The following LRRTM4 variants were observed in gnomAD, a reference collection of about 807,000 sequenced individuals.
LRRTM4 encodes the protein leucine-rich repeat transmembrane neuronal protein 4.
In LRRTM4, 25 loss-of-function variants were observed where a neutral mutation model predicts 47.6. The ratio of observed to expected loss-of-function variants is 0.53; its 90% CI spans 0.38 to 0.73. LRRTM4 has a LOEUF of 0.73. Among genes scored for constraint, LRRTM4 ranks in the 30% least tolerant of loss-of-function variants. The probability of loss-of-function intolerance (pLI) is 0.00; values close to 1 mark genes in which losing one functional copy is unlikely to be tolerated. For missense variants in LRRTM4, 638 were observed against 713.4 expected (o/e 0.89, Z 1.20); for synonymous variants, 311 against 269.5 (o/e 1.15, Z -1.51).
rs76067625 is a variant in LRRTM4 at position 76,979,307 on chromosome 2, C to A, written c.1552-230391G>T. 3.4e-3 allele frequency among the ~76,000 whole-genome samples: 521 copies of A among 151,956 alleles called. 1 individual carries two copies. The highest frequency in any genetic ancestry group is 0.01 in the African/African-American group (426 of 41,456). ...GATAATTTCACCTCACTTCTGCCTGCAGATTGTTGAAGCCTAGGAAAAGCA... is the reference window on the plus strand; with the variant it reads ...GATAATTTCACCTCACTTCTGCCTGAAGATTGTTGAAGCCTAGGAAAAGCA... On this transcript the variant is annotated intron_variant, in intron 3 of 3. Coordinates refer to ENST00000409884, the MANE Select transcript of LRRTM4 (RefSeq NM_001134745.3).
At position 76,934,595 on chromosome 2, in the gene LRRTM4, T is replaced by G. The variant is rs537724088; in HGVS notation, c.1552-185679A>C. ...ATAGCAGTTGTCAATTTGCAGTGTG[T>G]AAATATTCCCACCGTGGCCAATTTC... On this transcript the variant is annotated intron_variant, in intron 3 of 3. Coordinates refer to ENST00000409884, the MANE Select transcript of LRRTM4 (RefSeq NM_001134745.3). Among the ~76,000 whole-genome samples the G allele has an allele frequency of 2.0e-5, 3 of 152,276 alleles. No individual in the cohort carries two copies. In the East Asian group the frequency reaches 5.8e-4, roughly 29 times the overall value.
At chr2:76,781,032 G>C (rs529906817) in intron 3 of LRRTM4, among the ~76,000 whole-genome samples, 1 of 152,350 alleles carries the variant, frequency 6.6e-6, no homozygotes, top group East Asian at 1.9e-4. Flanking sequence ...TGAGGTGTCA[G>C]TGTGCCCGTG....
chr2:77,479,783 CTCTT>C (rs1197974895), intron 3 of LRRTM4, among the ~76,000 whole-genome samples: 3 of 151,914 alleles, frequency 2.0e-5, no homozygotes, highest in East Asian at 1.9e-4. Flanking sequence ...CTCCATCTCT[CTCTT>C]TCTCTTTCTC....
intron 3 of LRRTM4, among the ~76,000 whole-genome samples, chr2:76,807,438 GTATATACA>G (rs1343190526): frequency 3.1e-5 from 2 of 65,192 alleles, no homozygotes; most frequent in African/African-American, 7.5e-5. Context: ...ATATATATAC[GTATATACA>G]TATATATATA....
At chr2:77,438,393 A>ATTTTTTTTTT (rs70956631) in intron 3 of LRRTM4, among the ~76,000 whole-genome samples, 5 of 100,186 alleles carry the variant, frequency 5.0e-5, no homozygotes, top group African/African-American at 1.8e-4. Flanking sequence ...GATCATGATA[A>ATTTTTTTTTT]TTTTTTTTTT....
intron 3 of LRRTM4, among the ~76,000 whole-genome samples, chr2:77,213,088 T>G (rs1674339546): frequency 6.6e-6 from 1 of 152,166 alleles, no homozygotes; most frequent in African/African-American, 2.4e-5. Context: ...GGTGGAATAG[T>G]AATTTTCCTA....
intron 3 of LRRTM4, among the ~76,000 whole-genome samples, chr2:77,434,436 A>T (rs1055057928): frequency 1.4e-5 from 2 of 139,238 alleles, no homozygotes; most frequent in Admixed American, 1.4e-4. Context: ...AAATAATAAC[A>T]CTTGATCTGT....
intron 3 of LRRTM4, among the ~76,000 whole-genome samples, chr2:77,102,090 C>T (rs1277472723): frequency 6.6e-6 from 1 of 152,222 alleles, no homozygotes; most frequent in Non-Finnish European, 1.5e-5. Flanking sequence ...GGGCAACTGG[C>T]TCCAGCCTGC....
chr2:76,841,366 G>A (rs1399787465), intron 3 of LRRTM4, among the ~76,000 whole-genome samples: 3 of 151,776 alleles, frequency 2.0e-5, no homozygotes, highest in African/African-American at 7.3e-5. Flanking sequence ...CATGGCACAT[G>A]TATACATATG....
At chr2:77,512,938 A>G (rs1203625940) in intron 3 of LRRTM4, among the ~76,000 whole-genome samples, 1 of 152,158 alleles carries the variant, frequency 6.6e-6, no homozygotes, top group East Asian at 1.9e-4. Flanking sequence ...TCTTTCCTAA[A>G]TTAGCTATGT....
intron 3 of LRRTM4, among the ~76,000 whole-genome samples, chr2:76,964,535 G>A (rs1460054439): frequency 6.6e-6 from 1 of 150,484 alleles, no homozygotes; most frequent in Non-Finnish European, 1.5e-5. Flanking sequence ...AATTCTACAG[G>A]GGTCTGTACT....
chr2:77,414,245 G>C (rs1018131481), intron 3 of LRRTM4, among the ~76,000 whole-genome samples: 1 of 151,636 alleles, frequency 6.6e-6, no homozygotes, highest in Non-Finnish European at 1.5e-5. Flanking sequence ...GGCTTCCTAA[G>C]TAGTAGGCTC....
intron 3 of LRRTM4, among the ~76,000 whole-genome samples, chr2:76,860,832 T>C (rs1314752912): frequency 6.6e-6 from 1 of 151,996 alleles, no homozygotes; most frequent in Non-Finnish European, 1.5e-5. Context: ...AGGAAACAGA[T>C]ATTGAGTGGG....
At chr2:76,843,953 G>T (rs1055846403) in intron 3 of LRRTM4, among the ~76,000 whole-genome samples, 3 of 146,980 alleles carry the variant, frequency 2.0e-5, no homozygotes, top group Admixed American at 1.4e-4. Context: ...CCAGACTGGA[G>T]TGCAGTGGCG....
intron 3 of LRRTM4, among the ~76,000 whole-genome samples, chr2:76,786,815 C>A (rs892729619): frequency 1.3e-5 from 2 of 151,936 alleles, no homozygotes; most frequent in Non-Finnish European, 2.9e-5. Context: ...TTAAAGAATA[C>A]AGAAGGAACT....
intron 3 of LRRTM4, among the ~76,000 whole-genome samples, chr2:76,934,573 G>A (rs186603675): frequency 4.6e-5 from 7 of 152,242 alleles, no homozygotes; most frequent in Admixed American, 3.3e-4. Context: ...CTGATCTATA[G>A]CAGTTGTCAA....
chr2:77,275,333 C>G (rs2104082134), intron 3 of LRRTM4, among the ~76,000 whole-genome samples: 1 of 152,052 alleles, frequency 6.6e-6, no homozygotes, highest in South Asian at 2.1e-4. Flanking sequence ...TTCTCCCTAC[C>G]TCCAACGTAT....
At chr2:77,397,922 A>C (rs1673764394) in intron 3 of LRRTM4, among the ~76,000 whole-genome samples, 1 of 151,792 alleles carries the variant, frequency 6.6e-6, no homozygotes, top group East Asian at 1.9e-4. Context: ...GGTGAGTCAA[A>C]CTACAGATGA....
chr2:76,887,922 T>C (rs1673129245), intron 3 of LRRTM4, among the ~76,000 whole-genome samples: 1 of 151,134 alleles, frequency 6.6e-6, no homozygotes, highest in African/African-American at 2.4e-5. Flanking sequence ...TTTTTGTGAA[T>C]GGTTAAAAGT....
Sources: allele counts gnomAD v4.1 joint callset (sites outside exome capture counted in the v4.1 genomes callset), GRCh38; gene constraint gnomAD v4.1.1; transcripts MANE v1.5; gene names NCBI Gene and HGNC (gene_info 2026-07-23, HGNC 2026-07-21).